The following TRDN variants were observed in gnomAD, a reference collection of about 807,000 sequenced individuals.
TRDN encodes triadin in skeletal muscle.
A neutral mutation model predicts 149.7 loss-of-function variants in TRDN; 161 were observed. That is an observed-to-expected ratio of 1.08 (90% CI 0.95 to 1.23). The LOEUF (loss-of-function observed/expected upper bound fraction) is 1.23, where lower values mean the gene tolerates loss of function less well. TRDN is among the 50% of genes most tolerant of loss of function. The probability of loss-of-function intolerance (pLI) is 0.00; values close to 1 mark genes in which losing one functional copy is unlikely to be tolerated. For missense variants in TRDN, 896 were observed against 823.5 expected, an observed-to-expected ratio of 1.09 and a Z score of -1.08; for synonymous variants, 294 against 250.5, an observed-to-expected ratio of 1.17 and a Z score of -1.64.
intron 5 of TRDN, among the ~76,000 whole-genome samples, chr6:123,527,986 C>T (rs1780033909): frequency 6.6e-6 from 1 of 151,836 alleles, no homozygotes. Context: ...TATTCATTGC[C>T]TGGTTATCAT....
intron 1 of TRDN, among the ~76,000 whole-genome samples, chr6:123,585,682 G>C (rs917526255): frequency 2.6e-5 from 4 of 152,150 alleles, no homozygotes; most frequent in African/African-American, 7.2e-5. Flanking sequence ...GTACAGATGG[G>C]ACGTGGCTTA....
intron 1 of TRDN, among the ~76,000 whole-genome samples, chr6:123,595,998 C>T (rs926171553): frequency 6.6e-6 from 1 of 151,994 alleles, no homozygotes; most frequent in Non-Finnish European, 1.5e-5. Flanking sequence ...TCAAAAGCTA[C>T]AATGATTAAG....
intron 1 of TRDN, among the ~76,000 whole-genome samples, chr6:123,572,141 A>G (rs1214693355): frequency 6.6e-6 from 1 of 152,146 alleles, no homozygotes; most frequent in Non-Finnish European, 1.5e-5. Context: ...TTTTGCAATA[A>G]GAGAAGATTT....
intron 12 of TRDN, among the ~76,000 whole-genome samples, chr6:123,407,921 C>T (rs1444634135): frequency 1.3e-5 from 2 of 152,060 alleles, no homozygotes; most frequent in Non-Finnish European, 2.9e-5. Flanking sequence ...AATAAACCAC[C>T]TAGGAAGTAG....
chr6:123,635,686 A>G (rs1786274015), intron 1 of TRDN, among the ~76,000 whole-genome samples: 2 of 151,960 alleles, frequency 1.3e-5, no homozygotes, highest in African/African-American at 4.8e-5. Flanking sequence ...AAATAAAAAC[A>G]AATATTCTAT....
intron 1 of TRDN, among the ~76,000 whole-genome samples, chr6:123,584,199 A>G (rs2114591092): frequency 6.6e-6 from 1 of 152,294 alleles, no homozygotes; most frequent in South Asian, 2.1e-4. Context: ...GCCAGGAACA[A>G]TGGTAATTGT....
At chr6:123,332,582 T>G (rs1451321686) in intron 22 of TRDN, among the ~76,000 whole-genome samples, 1 of 152,100 alleles carries the variant, frequency 6.6e-6, no homozygotes, top group East Asian at 1.9e-4. Context: ...ACATATATGG[T>G]CAATGTCTTT....
intron 38 of TRDN, among the ~76,000 whole-genome samples, chr6:123,233,349 G>A (rs1459738779): frequency 6.6e-6 from 1 of 152,056 alleles, no homozygotes; most frequent in African/African-American, 2.4e-5. Flanking sequence ...ACTCACTGAA[G>A]ATTCTTAAAA....
chr6:123,260,444 A>G (rs1004818533), intron 34 of TRDN, among the ~76,000 whole-genome samples, 168 bp downstream of exon 34: 4 of 151,788 alleles, frequency 2.6e-5, no homozygotes, highest in Non-Finnish European at 5.9e-5. Context: ...TGCATCATTT[A>G]CTCCTTATAA....
At chr6:123,600,874 C>G (rs548914374) in intron 1 of TRDN, among the ~76,000 whole-genome samples, 1 of 152,020 alleles carries the variant, frequency 6.6e-6, no homozygotes, top group African/African-American at 2.4e-5. Context: ...ACAATTACAT[C>G]TATTGAATAG....
At chr6:123,551,424 T>G (rs1018709918) in intron 2 of TRDN, among the ~76,000 whole-genome samples, 1 of 151,340 alleles carries the variant, frequency 6.6e-6, no homozygotes, top group Non-Finnish European at 1.5e-5. Flanking sequence ...ATTCTGTCTT[T>G]CAGACCTCAC....
chr6:123,633,040 C>T (rs762176230), intron 1 of TRDN, among the ~76,000 whole-genome samples: 5 of 152,008 alleles, frequency 3.3e-5, no homozygotes, highest in Non-Finnish European at 5.9e-5. Context: ...AAGAATTCCA[C>T]ACATAGTGCA....
At chr6:123,331,615 C>A (rs188989406) in intron 23 of TRDN, among the ~76,000 whole-genome samples, 1 of 152,038 alleles carries the variant, frequency 6.6e-6, no homozygotes, top group African/African-American at 2.4e-5. Context: ...TCCTCCATTT[C>A]ACTACAGACC....
At chr6:123,467,227 A>G (rs1776875626) in intron 9 of TRDN, among the ~76,000 whole-genome samples, 1 of 151,860 alleles carries the variant, frequency 6.6e-6, no homozygotes, top group African/African-American at 2.4e-5. Context: ...AGAGTCTTGA[A>G]AGAGAGTAGG....
chr6:123,552,202 G>A (rs1231148066), intron 2 of TRDN, among the ~76,000 whole-genome samples: 3 of 152,090 alleles, frequency 2.0e-5, no homozygotes, highest in African/African-American at 7.2e-5. Flanking sequence ...CGGGAAAACT[G>A]CTTTAGGTTA....
Position 123,598,291 on chromosome 6 carries a change from A to G in TRDN, c.23-27159T>C, listed in dbSNP as rs552476905. ...CTTAAGGGAATGTACCCTATAGCAA[A>G]ATCCTAAGTGCAATAGACACGCTAT... On this transcript the variant is annotated intron_variant, in intron 1 of 40. Transcript: ENST00000334268. Among the ~76,000 whole-genome samples, 3 of 152,236 alleles carry G rather than the reference A, an allele frequency of 2.0e-5. No individual in the cohort carries two copies. In the South Asian group the frequency reaches 6.2e-4, roughly 32 times the overall value.
intron 8 of TRDN, chr6:123,502,162 G>C (rs957311804): frequency 6.1e-6 from 6 of 984,052 alleles, no homozygotes; most frequent in Non-Finnish European, 7.2e-6. Flanking sequence ...AAAGTGTAAA[G>C]GATTTCAGGA....
chr6:123,278,598 T>G (rs1441180652), intron 25 of TRDN, among the ~76,000 whole-genome samples: 1 of 152,140 alleles, frequency 6.6e-6, no homozygotes, highest in Non-Finnish European at 1.5e-5. Flanking sequence ...GGCTCATGCC[T>G]GTAATCTTAG....
intron 1 of TRDN, among the ~76,000 whole-genome samples, chr6:123,593,418 A>G (rs1349540114): frequency 6.6e-6 from 1 of 152,228 alleles, no homozygotes; most frequent in East Asian, 1.9e-4. Context: ...AATAAATGCT[A>G]TGTTAGTTTG....
Sources: gnomAD v4.1 joint callset for allele counts (sites outside exome capture counted in the v4.1 genomes callset) on GRCh38, gnomAD v4.1.1 for gene constraint, MANE v1.5 for transcripts, NCBI Gene and HGNC (gene_info 2026-07-23, HGNC 2026-07-21) for gene names.